The following ADCY2 variants were observed in gnomAD, a reference collection of about 807,000 sequenced individuals.
The protein encoded by ADCY2 is adenylate cyclase 2.
ADCY2 carries 31 observed loss-of-function variants against 125.2 expected under a neutral mutation model. That is an observed-to-expected ratio of 0.25 (90% CI 0.19 to 0.33). The LOEUF is 0.33. ADCY2 is among the 10% of genes least tolerant of loss of function. The pLI is 1.00. For missense variants in ADCY2, 904 were observed against 1,418.2 expected, an observed-to-expected ratio of 0.64 and a Z score of 5.82; for synonymous variants, 512 against 548.4, an observed-to-expected ratio of 0.93 and a Z score of 0.93.
chr5:7,804,069 A>AGAGAGAGAGAGC (rs1553990875), intron 21 of ADCY2, among the ~76,000 whole-genome samples: 24,850 of 139,612 alleles, frequency 0.18, 2,829 homozygotes, highest in Admixed American at 0.32. Flanking sequence ...AGAGAGAGAG[A>AGAGAGAGAGAGC]GAGAGCTGGT....
chr5:7,702,699 C>T (rs190129014), intron 7 of ADCY2, among the ~76,000 whole-genome samples: 23 of 152,290 alleles, frequency 1.5e-4, no homozygotes, highest in Admixed American at 6.5e-4. Context: ...CGTGTGCATG[C>T]GTCTTTATAG....
At chr5:7,551,177 T>C (rs1243676322) in intron 3 of ADCY2, among the ~76,000 whole-genome samples, 1 of 152,120 alleles carries the variant, frequency 6.6e-6, no homozygotes, top group Non-Finnish European at 1.5e-5. Flanking sequence ...CTTCCTTGTC[T>C]TCAAAAATCA....
chr5:7,478,848 C>G (rs921325347), intron 2 of ADCY2, among the ~76,000 whole-genome samples: 1 of 152,130 alleles, frequency 6.6e-6, no homozygotes, highest in African/African-American at 2.4e-5. Flanking sequence ...CAGCTGCATA[C>G]AGGACATTTA....
intron 22 of ADCY2, among the ~76,000 whole-genome samples, chr5:7,805,680 C>T (rs1744739163): frequency 6.6e-6 from 1 of 152,142 alleles, no homozygotes; most frequent in African/African-American, 2.4e-5. Flanking sequence ...ATGAGCCCCT[C>T]TCCCATAACC....
At chr5:7,722,683 G>T (rs1323060139) in intron 12 of ADCY2, among the ~76,000 whole-genome samples, 2 of 152,104 alleles carry the variant, frequency 1.3e-5, no homozygotes, top group Non-Finnish European at 2.9e-5. Flanking sequence ...GATCTGCCAG[G>T]TGTGGTGGCT....
chr5:7,508,639 A>G (rs758062198), intron 2 of ADCY2, among the ~76,000 whole-genome samples: 7 of 152,116 alleles, frequency 4.6e-5, no homozygotes, highest in South Asian at 2.1e-4. Flanking sequence ...CTATTACTCA[A>G]TGTGAGTCAC....
intron 20 of ADCY2, chr5:7,794,276 G>C (rs938412687): frequency 5.9e-5 from 9 of 152,180 alleles, no homozygotes; most frequent in African/African-American, 2.2e-4. Flanking sequence ...GTCTAATAGG[G>C]TGAGCAATGG....
intron 8 of ADCY2, among the ~76,000 whole-genome samples, chr5:7,707,407 A>G (rs1741299499): frequency 6.6e-6 from 1 of 152,218 alleles, no homozygotes; most frequent in Admixed American, 6.5e-5. Flanking sequence ...TAAAATGCCC[A>G]TGACATACAT....
At chr5:7,484,565 A>G (rs1413729677) in intron 2 of ADCY2, among the ~76,000 whole-genome samples, 1 of 152,164 alleles carries the variant, frequency 6.6e-6, no homozygotes, top group African/African-American at 2.4e-5. Context: ...TCTCATTCCC[A>G]GATGATGACT....
At chr5:7,576,051 GCTGGGTATGATGTT>G (rs1444878578) in intron 3 of ADCY2, among the ~76,000 whole-genome samples, 2 of 152,190 alleles carry the variant, frequency 1.3e-5, no homozygotes, top group Admixed American at 6.5e-5. Context: ...TGGTGCTCTG[GCTGGGTATGATGTT>G]CTGGGTTGCA....
intron 4 of ADCY2, among the ~76,000 whole-genome samples, chr5:7,643,054 C>A (rs1561141155): frequency 6.6e-6 from 1 of 151,538 alleles, no homozygotes; most frequent in Non-Finnish European, 1.5e-5. Flanking sequence ...AATCCTTTTT[C>A]TTTGTCTACA....
At chr5:7,804,489 A>G in intron 21 of ADCY2, 96 bp from the exon 22 acceptor site, 2 of 957,128 alleles carry the variant, frequency 2.1e-6, no homozygotes, top group South Asian at 1.4e-5. Context: ...AAGTCACGGC[A>G]TTACTGTGAA....
chr5:7,495,525 G>T (rs2126494922), intron 2 of ADCY2, among the ~76,000 whole-genome samples: 1 of 152,302 alleles, frequency 6.6e-6, no homozygotes, highest in South Asian at 2.1e-4. Context: ...AAATCTATTT[G>T]CAAAGGAGGA....
chr5:7,623,500 T>C (rs1738024178), intron 3 of ADCY2, among the ~76,000 whole-genome samples: 1 of 152,176 alleles, frequency 6.6e-6, no homozygotes, highest in Non-Finnish European at 1.5e-5. Flanking sequence ...CAATGCACCA[T>C]TGGACACGGT....
chr5:7,531,649 A>C (rs1260866592), intron 3 of ADCY2, among the ~76,000 whole-genome samples: 1 of 152,126 alleles, frequency 6.6e-6, no homozygotes, highest in African/African-American at 2.4e-5. Flanking sequence ...CTCAGTCTTC[A>C]TAGGTCCTAT....
intron 2 of ADCY2, among the ~76,000 whole-genome samples, chr5:7,492,955 C>T (rs1743217269): frequency 6.6e-6 from 1 of 152,052 alleles, no homozygotes; most frequent in African/African-American, 2.4e-5. Context: ...GCTGTGAGGG[C>T]CCGGGCTGCA....
chr5:7,413,848 GATAA>G (rs781710968), intron 1 of ADCY2, among the ~76,000 whole-genome samples: 1 of 151,950 alleles, frequency 6.6e-6, no homozygotes, highest in Non-Finnish European at 1.5e-5. Context: ...GTAAGGAAGA[GATAA>G]ATAAAAAAAA....
At chr5:7,493,637 G>T (rs1243811918) in intron 2 of ADCY2, among the ~76,000 whole-genome samples, 1 of 152,136 alleles carries the variant, frequency 6.6e-6, no homozygotes, top group Non-Finnish European at 1.5e-5. Flanking sequence ...TGGCAGGAGT[G>T]TGAATTTGAG....
chr5:7,590,010 G>A (rs568045290), intron 3 of ADCY2, among the ~76,000 whole-genome samples: 31 of 152,218 alleles, frequency 2.0e-4, no homozygotes, highest in East Asian at 7.7e-4. Flanking sequence ...GCTCACAACC[G>A]TGTGGCCAAC....
Sources: gnomAD v4.1 joint callset for allele counts (sites outside exome capture counted in the v4.1 genomes callset) on GRCh38, gnomAD v4.1.1 for gene constraint, MANE v1.5 for transcripts, NCBI Gene and HGNC (gene_info 2026-07-23, HGNC 2026-07-21) for gene names.